DNAI3: variants seen among roughly 807,000 people sequenced by gnomAD.
DNAI3 encodes WD repeat domain 63.
In DNAI3, 83 loss-of-function variants were observed where a neutral mutation model predicts 115.5. The ratio of observed to expected loss-of-function variants is 0.72; its 90% CI spans 0.60 to 0.86. The LOEUF (loss-of-function observed/expected upper bound fraction) is 0.86. DNAI3 is among the 40% of genes least tolerant of loss of function. The probability of loss-of-function intolerance (pLI) is 0.00; values close to 1 mark genes in which losing one functional copy is unlikely to be tolerated. For synonymous variants in DNAI3, 320 were observed against 347.0 expected, an observed-to-expected ratio of 0.92 and a Z score of 0.86; for missense variants, 1,004 against 1,075.8, an observed-to-expected ratio of 0.93 and a Z score of 0.93.
At chr1:85,119,766 C>T (rs975893386) in intron 17 of DNAI3, among the ~76,000 whole-genome samples, 37 of 152,002 alleles carry the variant, frequency 2.4e-4, no homozygotes, top group African/African-American at 7.7e-4. Flanking sequence ...GGCACGATCT[C>T]GGCTTATTGC....
chr1:85,127,141 A>G (rs888109111), intron 20 of DNAI3, among the ~76,000 whole-genome samples: 2 of 152,170 alleles, frequency 1.3e-5, no homozygotes, highest in African/African-American at 2.4e-5. Flanking sequence ...TTCATTACAA[A>G]TCATATTTTT....
intron 19 of DNAI3, among the ~76,000 whole-genome samples, chr1:85,125,037 G>A (rs1299053327): frequency 6.6e-6 from 1 of 152,148 alleles, no homozygotes; most frequent in Admixed American, 6.5e-5. Context: ...AAGGGAGGCA[G>A]CAAGAGTGTG....
At position 85,130,049 on chromosome 1, in the gene DNAI3, G is replaced by A; in HGVS notation, c.2469G>A (p.Gln823=). The A allele has an allele frequency of 1.2e-6, 2 of 1,613,794 alleles. No individual in the cohort carries two copies. Among genetic ancestry groups the A allele is most frequent in the East Asian group, 4.5e-5 (2 of 44,870 alleles). The change falls in exon 22 of 23, where the codon CAG becomes CAA. Residue 823 remains glutamine, a synonymous_variant. Transcript: ENST00000294664. ...REVKHLEYVE[Q]RKKIREQEKK... ...TCAAGCATCTGGAATACGTAGAACA[G>A]CGCAAAAAAATTCGTGAGCAAGAAA...
chr1:85,086,080 C>G, intron 7 of DNAI3, 50 bp downstream of exon 7: 1 of 1,519,840 alleles, frequency 6.6e-7, no homozygotes, highest in Non-Finnish European at 9.0e-7. Flanking sequence ...ACAGTAAAAT[C>G]TAGTAACTTC....
At chr1:85,076,862 C>A (rs1654471742) in intron 3 of DNAI3, among the ~76,000 whole-genome samples, 1 of 152,112 alleles carries the variant, frequency 6.6e-6, no homozygotes, top group African/African-American at 2.4e-5. Context: ...ATAGCACAGG[C>A]TTTGGAATTA....
At chr1:85,128,125 CAAAAAAAAAAAAAAAAAA>C (rs11344833) in intron 20 of DNAI3, among the ~76,000 whole-genome samples, 2 of 64,396 alleles carry the variant, frequency 3.1e-5, no homozygotes. Flanking sequence ...GACCCTGTCT[CAAAAAAAAAAAAAAAAAA>C]AAAAAAAGAA....
chr1:85,093,578 G>A lies in DNAI3; in HGVS notation c.978G>A (p.Gln326=), dbSNP rs1366273997. Residue 326 remains glutamine, a synonymous_variant, in exon 9 of 23, where the codon CAG becomes CAA. Transcript: ENST00000294664. ...CCGATACCCACCTGAAAGAGTACCA[G>A]TCCTTTACCGACCTTCATAGCCCAA... ...DKTDTHLKEY[Q]SFTDLHSPTE... 1.2e-6 allele frequency: 2 copies of A among 1,614,182 alleles called. No individual in the cohort carries two copies. The highest frequency in any genetic ancestry group is 1.7e-6 in the Non-Finnish European group (2 of 1,180,034).
In DNAI3 at chr1:85,084,575, A is replaced by C. The variant is rs746046511; in HGVS notation, c.420A>C (p.Glu140Asp). The C allele has an allele frequency of 6.6e-7, 1 of 1,517,914 alleles. No individual in the cohort carries two copies. Among genetic ancestry groups the C allele is most frequent in the Non-Finnish European group, 8.8e-7 (1 of 1,133,096 alleles). The allele number at this position is 1,517,914 out of a possible 1,614,324, so 94.0% of individuals were successfully genotyped here. The change falls in exon 6 of 23, where the codon GAA (glutamate) becomes GAC (aspartate). Residue 140 changes from glutamate (E) to aspartate (D), a missense_variant. Glu to Asp is a conservative substitution (Grantham distance 45). This residue lies in a region of DNAI3 where 550 missense variants were observed against 568.1 expected (regional missense o/e 0.97). Transcript: ENST00000294664. ...CAGAAGTACCAGAAGAACAAGAAGA[A>C]TATAAAGAACATATTCCTGAAGATG... Reference protein sequence around the residue: ...NPPEVPEEQEEYKEHIPEDVY... With the variant: ...NPPEVPEEQEDYKEHIPEDVY...
At chr1:85,122,188 G>C (rs766318858) in intron 18 of DNAI3, among the ~76,000 whole-genome samples, 1 of 152,186 alleles carries the variant, frequency 6.6e-6, no homozygotes, top group South Asian at 2.1e-4. Flanking sequence ...TCAATAACCT[G>C]GTAGTTCATC....
intron 1 of DNAI3, among the ~76,000 whole-genome samples, chr1:85,068,374 G>A (rs899430535): frequency 2.6e-5 from 4 of 152,054 alleles, no homozygotes; most frequent in Non-Finnish European, 5.9e-5. Flanking sequence ...TCTCATAAGC[G>A]ATATGTTCAA....
intron 1 of DNAI3, among the ~76,000 whole-genome samples, chr1:85,065,218 T>C (rs1328723035): frequency 6.6e-6 from 1 of 151,898 alleles, no homozygotes; most frequent in Non-Finnish European, 1.5e-5. Flanking sequence ...TACAAGTCCT[T>C]TCATAATCAA....
chr1:85,119,413 C>T (rs1165894683), intron 17 of DNAI3, among the ~76,000 whole-genome samples: 6 of 152,170 alleles, frequency 3.9e-5, no homozygotes, highest in Non-Finnish European at 8.8e-5. Flanking sequence ...AGATACCTCA[C>T]GTAAGTGGAA....
rs1187129872 is a variant in DNAI3 at position 85,097,645 on chromosome 1, C to T, written c.1340C>T (p.Ala447Val). The change falls in exon 12 of 23, where the codon GCC becomes GTC. Residue 447 changes from alanine to valine, a missense_variant. By Grantham distance (64) the Ala-to-Val change is moderately conservative. Coordinates refer to ENST00000294664, the MANE Select transcript of DNAI3 (RefSeq NM_145172.5). ...GCAGGTGGTAGTAGAAGTAAAAGAG[C>T]CACACTGAAGGTAAGCTTTTTACAA... ...IKAGGSRSKR[A>V]TLKPMFLLEP... 3.7e-6 allele frequency: 6 copies of T among 1,610,302 alleles called. No homozygotes were observed. The highest frequency in any genetic ancestry group is 1.6e-4 in the Middle Eastern group (1 of 6,078).
intron 13 of DNAI3, among the ~76,000 whole-genome samples, chr1:85,102,861 C>T (rs941379872): frequency 6.6e-6 from 1 of 152,106 alleles, no homozygotes; most frequent in African/African-American, 2.4e-5. Flanking sequence ...TTCTGTTTTC[C>T]AAACTTCTAT....
intron 11 of DNAI3, 28 bp downstream of exon 11, chr1:85,096,048 G>A: frequency 6.3e-7 from 1 of 1,597,952 alleles, no homozygotes; most frequent in East Asian, 2.2e-5. Flanking sequence ...TTTCAGCTAT[G>A]TATTAATGTA....
intron 16 of DNAI3, among the ~76,000 whole-genome samples, chr1:85,116,860 C>G (rs1655834595): frequency 6.6e-6 from 1 of 152,108 alleles, no homozygotes; most frequent in Non-Finnish European, 1.5e-5. Flanking sequence ...AGATCCAAAA[C>G]AAAGAGAGTA....
rs1264156930 is a variant in DNAI3 at position 85,108,151 on chromosome 1, G to T, written c.1672G>T (p.Asp558Tyr). 1 of 1,603,274 alleles carries T rather than the reference G, an allele frequency of 6.2e-7. No homozygotes were observed. Among genetic ancestry groups the T allele is most frequent in the Non-Finnish European group, 8.5e-7 (1 of 1,176,666 alleles). The change falls in exon 15 of 23, where the codon GAT becomes TAT. Residue 558 changes from aspartate to tyrosine, a missense_variant. Transcript: ENST00000294664. ...TGTACCATCTACTTTTTTGCATCTG[G>T]ATCTCTCCTGGAAACCTCTCACTAA... is the stretch of plus-strand genomic sequence containing the variant. The part of the protein sequence containing the change: ...FDVPSTFLHL[D>Y]LSWKPLTKVR...
chr1:85,132,014 A>G (rs1439754449), intron 22 of DNAI3, among the ~76,000 whole-genome samples: 1 of 152,164 alleles, frequency 6.6e-6, no homozygotes, highest in Admixed American at 6.5e-5. Context: ...CTCTGCAACT[A>G]TGAATAGATT....
intron 5 of DNAI3, among the ~76,000 whole-genome samples, chr1:85,083,799 C>G (rs1654702692): frequency 6.6e-6 from 1 of 151,970 alleles, no homozygotes; most frequent in Non-Finnish European, 1.5e-5. Flanking sequence ...TTTACTCCTC[C>G]CTATAAGGAA....
Sources: allele counts gnomAD v4.1 joint callset (sites outside exome capture counted in the v4.1 genomes callset), GRCh38; gene constraint gnomAD v4.1.1; regional missense constraint gnomAD v4.1.1; transcripts MANE v1.5; gene names NCBI Gene and HGNC (gene_info 2026-07-23, HGNC 2026-07-21).